The following WDFY1 variants were observed in gnomAD, a reference collection of about 807,000 sequenced individuals.
WDFY1 encodes WD repeat and FYVE domain-containing protein 1.
Under a neutral mutation model 56.4 loss-of-function variants are expected in WDFY1, and 32 were observed. The observed-to-expected ratio is 0.57, with a 90% CI of 0.43 to 0.76. The LOEUF is 0.76. Ranked by LOEUF, WDFY1 falls within the 30% of genes least tolerant of loss-of-function variation. The pLI, the probability that WDFY1 is intolerant of heterozygous loss-of-function variation, is 0.00. For missense variants in WDFY1, 480 were observed against 545.7 expected (o/e 0.88, Z 1.20); for synonymous variants, 192 against 197.3 (o/e 0.97, Z 0.23).
At chr2:223,932,421 C>T (rs1170452404) in intron 1 of WDFY1, among the ~76,000 whole-genome samples, 4 of 152,106 alleles carry the variant, frequency 2.6e-5, no homozygotes, top group South Asian at 4.1e-4. Flanking sequence ...GGCGCCGGGT[C>T]GATTACCTTG....
chr2:223,934,081 C>CTTTT (rs201021204), intron 1 of WDFY1, among the ~76,000 whole-genome samples: 12 of 136,160 alleles, frequency 8.8e-5, no homozygotes, highest in African/African-American at 3.1e-4. Flanking sequence ...TTTTTCTTTT[C>CTTTT]TTTTTTTTTT....
chr2:223,926,168 A>C (rs903594962), intron 1 of WDFY1, among the ~76,000 whole-genome samples: 5 of 152,130 alleles, frequency 3.3e-5, no homozygotes, highest in African/African-American at 1.2e-4. Flanking sequence ...TTCTTTTGAG[A>C]CAGGGTCTCC....
intron 1 of WDFY1, among the ~76,000 whole-genome samples, chr2:223,933,748 C>T (rs957704213): frequency 9.9e-5 from 15 of 151,562 alleles, no homozygotes; most frequent in Middle Eastern, 3.4e-3. Flanking sequence ...CTTGAGCCCA[C>T]GAGTTCAAGA....
Position 223,876,004 on chromosome 2 carries a change from T to C in WDFY1, c.*2667A>G, listed in dbSNP as rs187546555. The C allele has an allele frequency of 5.3e-5, 8 of 152,302 alleles. No homozygotes were observed. Among genetic ancestry groups the C allele is most frequent in the African/African-American group, 1.7e-4 (7 of 41,576 alleles). The allele number at this position is 152,302 out of a possible 1,614,324, so 9.4% of individuals were successfully genotyped here. On this transcript the variant is annotated 3_prime_UTR_variant, in exon 12 of 12. Coordinates refer to ENST00000233055, the MANE Select transcript of WDFY1 (RefSeq NM_020830.5). ...AGAGCAATAGTATTTCTTTATATCC[T>C]TTAGGTAGCAGGACAGAGCTAGGAC...
At chr2:223,930,873 G>C (rs1398940588) in intron 1 of WDFY1, among the ~76,000 whole-genome samples, 1 of 152,222 alleles carries the variant, frequency 6.6e-6, no homozygotes, top group Non-Finnish European at 1.5e-5. Context: ...AAAGAGTCCA[G>C]CTAAGCTCAG....
intron 4 of WDFY1, among the ~76,000 whole-genome samples, chr2:223,901,576 A>C (rs955083260): frequency 6.6e-5 from 10 of 152,188 alleles, no homozygotes; most frequent in African/African-American, 2.4e-4. Flanking sequence ...GAAGCTAGGA[A>C]TCATTAAAGA....
At chr2:223,939,518 C>T (rs889832356) in intron 1 of WDFY1, among the ~76,000 whole-genome samples, 1 of 152,168 alleles carries the variant, frequency 6.6e-6, no homozygotes, top group Non-Finnish European at 1.5e-5. Flanking sequence ...AAATGAGATT[C>T]AATGGACTCA....
chr2:223,891,499 A>G (rs888573013), intron 8 of WDFY1, among the ~76,000 whole-genome samples: 1 of 151,932 alleles, frequency 6.6e-6, no homozygotes, highest in African/African-American at 2.4e-5. Context: ...AAAAAAACCC[A>G]CTAAAAATAA....
intron 1 of WDFY1, among the ~76,000 whole-genome samples, chr2:223,925,934 A>G (rs1413670693): frequency 6.6e-6 from 1 of 152,160 alleles, no homozygotes; most frequent in East Asian, 1.9e-4. Context: ...CTATTTCCAC[A>G]TCTGCAGTTA....
chr2:223,909,698 T>A (rs190644520), intron 3 of WDFY1, among the ~76,000 whole-genome samples: 114 of 152,098 alleles, frequency 7.5e-4, no homozygotes, highest in Non-Finnish European at 1.3e-3. Flanking sequence ...TCATCTGACT[T>A]CTCTTCCTCT....
chr2:223,923,917 T>C (rs749624481), intron 1 of WDFY1, among the ~76,000 whole-genome samples: 4 of 152,204 alleles, frequency 2.6e-5, no homozygotes, highest in Non-Finnish European at 2.9e-5. Flanking sequence ...CTTTAATATT[T>C]TGACAATTTT....
chr2:223,941,600 A>T (rs1559178101), intron 1 of WDFY1, among the ~76,000 whole-genome samples: 1 of 152,082 alleles, frequency 6.6e-6, no homozygotes. Context: ...CATAGGGGCC[A>T]TCTCTTCACT....
At position 223,901,172 on chromosome 2, in the gene WDFY1, C is replaced by A. The variant is rs781538014; in HGVS notation, c.485+11G>T. ...CCAGGGGAAGGAGAGGTCCGTGGCT[C>A]TGAAGGATACTGCAGACACGAAGCC... On this transcript the variant is annotated intron_variant, in intron 5 of 11. Transcript: ENST00000233055. 6.2e-6 allele frequency: 10 copies of A among 1,610,608 alleles called. No homozygotes were observed. The South Asian group carries it at 1.1e-4, about 18-fold the overall frequency.
chr2:223,904,441 C>T (rs139446240), intron 4 of WDFY1, among the ~76,000 whole-genome samples: 1,686 of 151,902 alleles, frequency 0.011, 27 homozygotes, highest in African/African-American at 0.039. Context: ...TTAGTAGAGA[C>T]GGGTTTTCAC....
At chr2:223,942,541 T>TTTTTTTTTTTTC (rs1689326265) in intron 1 of WDFY1, among the ~76,000 whole-genome samples, 1 of 101,044 alleles carries the variant, frequency 9.9e-6, no homozygotes, top group East Asian at 2.3e-4. Context: ...TTTTTTTTTT[T>TTTTTTTTTTTTC]TTTTTGAGAC....
chr2:223,905,029 C>T (rs114320186), intron 4 of WDFY1, among the ~76,000 whole-genome samples: 88 of 152,230 alleles, frequency 5.8e-4, no homozygotes, highest in African/African-American at 1.7e-3. Context: ...TGGGAATATG[C>T]GTAAAATCAT....
At chr2:223,903,751 A>G (rs908484304) in intron 4 of WDFY1, among the ~76,000 whole-genome samples, 1 of 151,432 alleles carries the variant, frequency 6.6e-6, no homozygotes, top group Middle Eastern at 3.4e-3. Flanking sequence ...CCTGGGCTCA[A>G]GTGATCCTCC....
intron 1 of WDFY1, among the ~76,000 whole-genome samples, chr2:223,919,781 T>C (rs1414172332): frequency 6.6e-6 from 1 of 152,192 alleles, no homozygotes; most frequent in East Asian, 1.9e-4. Flanking sequence ...TGATACCATA[T>C]GTTTCCAGTT....
Position 223,876,424 on chromosome 2 carries a change from C to T in WDFY1, c.*2247G>A, listed in dbSNP as rs1437599112. 1 of 152,524 alleles carries T rather than the reference C, an allele frequency of 6.6e-6. No homozygotes were observed. Among genetic ancestry groups the T allele is most frequent in the African/African-American group, 2.4e-5 (1 of 41,426 alleles). 9.4% of individuals were successfully genotyped at this position (152,524 alleles called of 1,614,324 possible). A position where few individuals can be genotyped will look rare whatever the true frequency, so the allele number is the denominator to read the frequency against. ...TTCTATAAAAATATCACCCCATTTG[C>T]TACCTAGCATATGAGAGAGACAAGA... On this transcript the variant is annotated 3_prime_UTR_variant, in exon 12 of 12. Transcript: ENST00000233055.
Sources: allele counts gnomAD v4.1 joint callset (sites outside exome capture counted in the v4.1 genomes callset), GRCh38; gene constraint gnomAD v4.1.1; transcripts MANE v1.5; gene names NCBI Gene and HGNC (gene_info 2026-07-23, HGNC 2026-07-21).